The following NKAIN3 variants were observed in gnomAD, a reference collection of about 807,000 sequenced individuals.
NKAIN3 encodes the protein sodium/potassium-transporting ATPase subunit beta-1-interacting protein 3.
NKAIN3 carries 25 observed loss-of-function variants against 30.2 expected under a neutral mutation model. The observed-to-expected ratio is 0.83, with a 90% confidence interval of 0.60 to 1.16. The LOEUF is 1.16. NKAIN3 is among the 50% of genes most tolerant of loss of function. NKAIN3 has a pLI of 0.00. For synonymous variants in NKAIN3, 91 were observed against 89.6 expected (o/e 1.02, Z -0.09); for missense variants, 225 against 254.1 (o/e 0.89, Z 0.78).
At chr8:62,595,718 G>A (rs1048231596) in intron 3 of NKAIN3, among the ~76,000 whole-genome samples, 5 of 151,942 alleles carry the variant, frequency 3.3e-5, no homozygotes, top group South Asian at 2.1e-4. Context: ...TGTTGGGGAC[G>A]TTGGCCGACA....
intron 4 of NKAIN3, among the ~76,000 whole-genome samples, chr8:62,761,904 A>G (rs746491749): frequency 3.9e-5 from 6 of 152,216 alleles, no homozygotes; most frequent in Non-Finnish European, 7.3e-5. Context: ...TGGGAGAGAA[A>G]CAATTTGGCC....
chr8:62,298,867 ATAT>A (rs967246690), intron 1 of NKAIN3, among the ~76,000 whole-genome samples: 6 of 148,762 alleles, frequency 4.0e-5, no homozygotes, highest in Non-Finnish European at 8.9e-5. Context: ...TGAATCAATA[ATAT>A]TAATATATTA....
rs1448273801 is a variant in NKAIN3, at chr8:62,983,623, T to A, written c.*18216T>A. 1 of 152,226 alleles carries A rather than the reference T, an allele frequency of 6.6e-6. No individual in the cohort carries two copies. The highest frequency in any genetic ancestry group is 2.4e-5 in the African/African-American group (1 of 41,460). The allele number at this position is 152,226 out of a possible 1,614,324, so 9.4% of individuals were successfully genotyped here. Reference sequence around the variant, plus strand: ...TTTGCCCTCTGCAACCAACACCTGTTCGTGCTATGAGACTGAAGTCCTCCT... The same window carrying A: ...TTTGCCCTCTGCAACCAACACCTGTACGTGCTATGAGACTGAAGTCCTCCT... On this transcript the variant is annotated 3_prime_UTR_variant, in exon 7 of 7. Transcript: ENST00000623646.
intron 1 of NKAIN3, among the ~76,000 whole-genome samples, chr8:62,339,506 G>T (rs117095025): frequency 6.6e-6 from 1 of 152,118 alleles, no homozygotes; most frequent in Non-Finnish European, 1.5e-5. Context: ...ACTATTTCCT[G>T]TGGAATTTTT....
intron 3 of NKAIN3, among the ~76,000 whole-genome samples, chr8:62,623,751 G>A (rs886857092): frequency 6.6e-6 from 1 of 151,958 alleles, no homozygotes; most frequent in Non-Finnish European, 1.5e-5. Flanking sequence ...GTTACCAGGA[G>A]GAGGTCCCAG....
At chr8:62,259,748 G>T (rs138574612) in intron 1 of NKAIN3, among the ~76,000 whole-genome samples, 4 of 152,236 alleles carry the variant, frequency 2.6e-5, no homozygotes, top group Non-Finnish European at 5.9e-5. Context: ...TCAGATGAAG[G>T]CGTTGACTTA....
At chr8:62,765,514 A>G (rs565039497) in intron 4 of NKAIN3, among the ~76,000 whole-genome samples, 1 of 152,260 alleles carries the variant, frequency 6.6e-6, no homozygotes, top group African/African-American at 2.4e-5. Context: ...GATGTGGTAA[A>G]TTCAGTTTTT....
chr8:62,296,498 C>T (rs189312418), intron 1 of NKAIN3, among the ~76,000 whole-genome samples: 1 of 152,104 alleles, frequency 6.6e-6, no homozygotes, highest in African/African-American at 2.4e-5. Context: ...AACACACCAT[C>T]TCCTATTCAA....
intron 3 of NKAIN3, among the ~76,000 whole-genome samples, chr8:62,689,987 A>AATAG (rs1399239621): frequency 6.6e-6 from 1 of 150,518 alleles, no homozygotes; most frequent in Non-Finnish European, 1.5e-5. Context: ...TAAATAAATA[A>AATAG]ATAAAATTGC....
chr8:62,374,663 C>A (rs181363567), intron 1 of NKAIN3, among the ~76,000 whole-genome samples: 1 of 152,246 alleles, frequency 6.6e-6, no homozygotes, highest in African/African-American at 2.4e-5. Flanking sequence ...TAAAGAAAAT[C>A]TTGGCAAATT....
intron 1 of NKAIN3, among the ~76,000 whole-genome samples, chr8:62,550,819 A>G (rs1016200418): frequency 1.3e-5 from 2 of 152,196 alleles, no homozygotes; most frequent in African/African-American, 2.4e-5. Context: ...GAGTTCAGAT[A>G]TGTTTTTGTC....
At chr8:62,278,453 T>A (rs1183361297) in intron 1 of NKAIN3, among the ~76,000 whole-genome samples, 1 of 152,020 alleles carries the variant, frequency 6.6e-6, no homozygotes, top group Non-Finnish European at 1.5e-5. Flanking sequence ...TATGTATACA[T>A]GTGCCATGTT....
At chr8:62,863,817 G>A (rs1586283686) in intron 4 of NKAIN3, 4 of 1,611,004 alleles carry the variant, frequency 2.5e-6, no homozygotes, top group South Asian at 2.2e-5. Context: ...ACATGATACC[G>A]GCCATTGAAG....
At chr8:62,907,680 C>G (rs1902237) in intron 4 of NKAIN3, among the ~76,000 whole-genome samples, 80,761 of 152,034 alleles carry the variant, frequency 0.53, 21,816 homozygotes, top group East Asian at 0.71. Flanking sequence ...AGGGTGCAAG[C>G]CCCTAGCCTT....
intron 4 of NKAIN3, among the ~76,000 whole-genome samples, chr8:62,751,921 C>T (rs907255951): frequency 5.9e-5 from 9 of 151,928 alleles, no homozygotes; most frequent in Non-Finnish European, 1.3e-4. Context: ...CCTGAGCACA[C>T]TATAATCATT....
intron 3 of NKAIN3, among the ~76,000 whole-genome samples, chr8:62,600,959 A>G (rs1272282546): frequency 6.6e-6 from 1 of 152,030 alleles, no homozygotes; most frequent in African/African-American, 2.4e-5. Context: ...TTTTCCTTCA[A>G]GGTTGGATTC....
At chr8:62,778,997 A>G (rs1817271270) in intron 4 of NKAIN3, among the ~76,000 whole-genome samples, 1 of 151,830 alleles carries the variant, frequency 6.6e-6, no homozygotes, top group African/African-American at 2.4e-5. Context: ...GTGTCCAGAG[A>G]TGTCATGTGG....
chr8:62,825,757 G>C (rs1819001733), intron 4 of NKAIN3, among the ~76,000 whole-genome samples: 1 of 152,116 alleles, frequency 6.6e-6, no homozygotes, highest in Non-Finnish European at 1.5e-5. Context: ...GTGCAGCCAG[G>C]CTTAGAAATT....
At chr8:62,395,220 G>A (rs556288599) in intron 1 of NKAIN3, among the ~76,000 whole-genome samples, 3 of 144,144 alleles carry the variant, frequency 2.1e-5, no homozygotes, top group East Asian at 4.4e-4. Flanking sequence ...TTCCCAGACC[G>A]AGGGAGGTGC....
Sources: gnomAD v4.1 joint callset for allele counts (sites outside exome capture counted in the v4.1 genomes callset) on GRCh38, gnomAD v4.1.1 for gene constraint, MANE v1.5 for transcripts, NCBI Gene and HGNC (gene_info 2026-07-23, HGNC 2026-07-21) for gene names.